Variants in CDH13 observed in about 807,000 individuals in gnomAD.
CDH13 encodes cadherin-13.
CDH13 carries 24 observed loss-of-function variants against 63.8 expected under a neutral mutation model. The ratio of observed to expected loss-of-function variants is 0.38; its 90% CI spans 0.27 to 0.53. The LOEUF is 0.53. Ranked by LOEUF, CDH13 falls within the 20% of genes least tolerant of loss-of-function variation. The pLI is 0.85. For synonymous variants in CDH13, 503 were observed against 355.3 expected, an observed-to-expected ratio of 1.42 and a Z score of -4.67; for missense variants, 1,049 against 903.1, an observed-to-expected ratio of 1.16 and a Z score of -2.07.
At chr16:82,874,449 C>A (rs955934882) in intron 2 of CDH13, among the ~76,000 whole-genome samples, 2 of 152,068 alleles carry the variant, frequency 1.3e-5, no homozygotes, top group African/African-American at 4.8e-5. Flanking sequence ...TGGCAGGCCA[C>A]CCCCGAGAAG....
At chr16:83,635,893 A>G (rs1462337611) in intron 8 of CDH13, among the ~76,000 whole-genome samples, 1 of 152,100 alleles carries the variant, frequency 6.6e-6, no homozygotes, top group Admixed American at 6.6e-5. Context: ...CCTAGGTGTT[A>G]AAGATTTTAT....
At chr16:82,992,198 G>T (rs1911735992) in intron 2 of CDH13, among the ~76,000 whole-genome samples, 1 of 152,182 alleles carries the variant, frequency 6.6e-6, no homozygotes, top group African/African-American at 2.4e-5. Flanking sequence ...AGCCTCTGTT[G>T]TGAGCTAGCT....
intron 7 of CDH13, among the ~76,000 whole-genome samples, chr16:83,554,959 G>A (rs1378644312): frequency 8.6e-6 from 1 of 116,592 alleles, no homozygotes; most frequent in African/African-American, 3.5e-5. Context: ...CTCCCTCTTT[G>A]TTATTTAGGT....
Position 83,032,155 on chromosome 16 carries a change from C to T in CDH13, c.303C>T (p.Pro101=), listed in dbSNP as rs571729482. The T allele has an allele frequency of 6.2e-7, 1 of 1,613,632 alleles. No homozygotes were observed. Among genetic ancestry groups the T allele is most frequent in the East Asian group, 2.2e-5 (1 of 44,814 alleles). Reference sequence around the variant, plus strand: ...CTCTGTTCGTCCATGCACGGACCCCCCATGCGGAAGATATGGCAGAACTCG... The same window carrying T: ...CTCTGTTCGTCCATGCACGGACCCCTCATGCGGAAGATATGGCAGAACTCG... ...GKTLFVHART[P]HAEDMAELVI... The change falls in exon 3 of 14, where the codon CCC becomes CCT. Residue 101 remains proline, a synonymous_variant. Coordinates refer to ENST00000567109, the MANE Select transcript of CDH13 (RefSeq NM_001257.5).
At chr16:82,966,249 C>T (rs888908501) in intron 2 of CDH13, among the ~76,000 whole-genome samples, 3 of 152,012 alleles carry the variant, frequency 2.0e-5, no homozygotes, top group Non-Finnish European at 2.9e-5. Context: ...CCCGGGTTGA[C>T]GCCATTCTCC....
intron 6 of CDH13, among the ~76,000 whole-genome samples, chr16:83,409,651 G>A (rs2092098227): frequency 6.6e-6 from 1 of 152,150 alleles, no homozygotes; most frequent in East Asian, 1.9e-4. Flanking sequence ...CATCTGCCTA[G>A]CCTATTTCCC....
intron 2 of CDH13, among the ~76,000 whole-genome samples, chr16:83,024,444 T>C (rs1045109544): frequency 6.6e-6 from 1 of 152,146 alleles, no homozygotes; most frequent in Non-Finnish European, 1.5e-5. Context: ...GCTGAATGAC[T>C]AAAGGAAAGA....
chr16:82,799,970 A>C (rs2036772471), intron 1 of CDH13, among the ~76,000 whole-genome samples: 1 of 152,204 alleles, frequency 6.6e-6, no homozygotes, highest in Non-Finnish European at 1.5e-5. Context: ...AAGCTGGTAC[A>C]AGCAGAGAGG....
At chr16:83,136,153 A>AC (rs1336418100) in intron 4 of CDH13, among the ~76,000 whole-genome samples, 1 of 149,284 alleles carries the variant, frequency 6.7e-6, no homozygotes, top group Non-Finnish European at 1.5e-5. Flanking sequence ...CACCACCTGT[A>AC]CCCCAACAAC....
intron 1 of CDH13, among the ~76,000 whole-genome samples, chr16:82,730,159 C>G (rs1034271513): frequency 1.3e-5 from 2 of 152,208 alleles, no homozygotes; most frequent in African/African-American, 4.8e-5. Context: ...TGGAATGGCA[C>G]TTTTTATTTC....
intron 6 of CDH13, 104 bp from the exon 7 acceptor site, chr16:83,486,373 T>C: frequency 2.4e-6 from 2 of 821,688 alleles, no homozygotes; most frequent in Non-Finnish European, 3.7e-6. Flanking sequence ...ATTTGGAAAG[T>C]GATGGGCACA....
chr16:83,559,937 G>A (rs1168340354), intron 7 of CDH13, among the ~76,000 whole-genome samples: 2 of 152,056 alleles, frequency 1.3e-5, no homozygotes, highest in Non-Finnish European at 2.9e-5. Context: ...TCAAACAGTT[G>A]GCCAATATAC....
intron 10 of CDH13, among the ~76,000 whole-genome samples, chr16:83,708,277 T>C (rs1907446414): frequency 6.6e-6 from 1 of 152,202 alleles, no homozygotes; most frequent in Admixed American, 6.5e-5. Context: ...TAAGGGACAG[T>C]CAACCAGACG....
intron 2 of CDH13, chr16:82,884,396 C>G: frequency 2.9e-6 from 1 of 344,814 alleles, no homozygotes; most frequent in Non-Finnish European, 5.7e-6. Context: ...CAAAATGAGA[C>G]TCCTTCTGTT....
intron 5 of CDH13, among the ~76,000 whole-genome samples, chr16:83,298,516 C>T (rs1175540880): frequency 1.3e-5 from 2 of 152,160 alleles, no homozygotes; most frequent in Non-Finnish European, 2.9e-5. Flanking sequence ...TTTAAGCAAG[C>T]TCCTCATTTC....
chr16:83,524,766 A>G (rs192277660), intron 7 of CDH13, among the ~76,000 whole-genome samples: 1 of 152,040 alleles, frequency 6.6e-6, no homozygotes, highest in African/African-American at 2.4e-5. Context: ...TGCATGTCTT[A>G]ACACCCCCTC....
intron 5 of CDH13, among the ~76,000 whole-genome samples, chr16:83,219,922 T>C (rs1180050494): frequency 6.6e-6 from 1 of 152,190 alleles, no homozygotes; most frequent in Non-Finnish European, 1.5e-5. Context: ...GTAGGTGACA[T>C]GGCAGGAAGT....
chr16:83,093,313 TTTTTTTTTTTTTTTTTTTTG>T (rs2034016949), intron 3 of CDH13, among the ~76,000 whole-genome samples: 1 of 124,830 alleles, frequency 8.0e-6, no homozygotes, highest in Admixed American at 8.3e-5. Flanking sequence ...TTTTTTTTTT[TTTTTTTTTTTTTTTTTTTTG>T]AGGTGGAGTC....
intron 5 of CDH13, among the ~76,000 whole-genome samples, chr16:83,257,265 C>T (rs774031542): frequency 5.3e-5 from 8 of 152,098 alleles, no homozygotes; most frequent in Non-Finnish European, 7.3e-5. Context: ...CGACGGTGAG[C>T]TTGAAAGGTT....
Sources: gnomAD v4.1 joint callset for allele counts (sites outside exome capture counted in the v4.1 genomes callset) on GRCh38, gnomAD v4.1.1 for gene constraint, MANE v1.5 for transcripts, NCBI Gene and HGNC (gene_info 2026-07-23, HGNC 2026-07-21) for gene names.